Variants in SULT2A1 observed in about 807,000 individuals in gnomAD.
SULT2A1 encodes the protein sulfotransferase family 2A member 1, also known as sulfotransferase 2A1.
Under a neutral mutation model 33.9 loss-of-function variants are expected in SULT2A1, and 43 were observed. That is an observed-to-expected ratio of 1.27 (90% CI 1.00 to 1.64). The LOEUF is 1.64. Ranked by LOEUF, SULT2A1 falls within the 40% of genes most tolerant of loss-of-function variation. SULT2A1 has a pLI of 0.00. For missense variants in SULT2A1, 300 were observed against 335.1 expected, an observed-to-expected ratio of 0.90 and a Z score of 0.82; for synonymous variants, 125 against 113.6, an observed-to-expected ratio of 1.10 and a Z score of -0.64.
intron 2 of SULT2A1, 152 bp downstream of exon 2, chr19:47,883,425 C>T (rs1237708233): frequency 1.3e-6 from 1 of 753,078 alleles, no homozygotes; most frequent in Non-Finnish European, 2.2e-6. Context: ...CTGGGAGCAG[C>T]CACATAGGTG....
At chr19:47,872,306 A>AT (rs1968500549) in intron 5 of SULT2A1, among the ~76,000 whole-genome samples, 1 of 151,952 alleles carries the variant, frequency 6.6e-6, no homozygotes, top group African/African-American at 2.4e-5. Flanking sequence ...CTCTGCTCAG[A>AT]TTTTCCGAGG....
chr19:47,882,120 A>G lies in SULT2A1; in HGVS notation c.436T>C (p.Trp146Arg), dbSNP rs1462170807. 2 of 1,613,858 alleles carry G rather than the reference A, an allele frequency of 1.2e-6. No homozygotes were observed. Among genetic ancestry groups the G allele is most frequent in the African/African-American group, 1.3e-5 (1 of 74,912 alleles). The change falls in exon 3 of 6, where the codon TGG becomes CGG. Residue 146 changes from tryptophan to arginine, a missense_variant. Transcript: ENST00000222002. ...CAAAACCATTCAAAATATTCTTCCC[A>G]TGACTTTGGTTTCTTAATAAACTTC... ...NMKFIKKPKS[W>R]EEYFEWFCQG...
At position 47,881,755 on chromosome 19, in the gene SULT2A1, C is replaced by T. The variant is rs554690129; in HGVS notation, c.472+329G>A. Among the ~76,000 whole-genome samples the T allele has an allele frequency of 3.2e-4, 48 of 152,098 alleles. No individual in the cohort carries two copies. In the South Asian group the frequency reaches 9.3e-3, roughly 30 times the overall value. On this transcript the variant is annotated intron_variant, in intron 3 of 5. Transcript: ENST00000222002. ...GCATCAGAAAAAAATGGCGGAAGGT[C>T]AGGATTGTGTTGTCCCGGAAGCCAG... is the stretch of plus-strand genomic sequence containing the variant.
At chr19:47,883,276 A>G (rs966519233) in intron 2 of SULT2A1, among the ~76,000 whole-genome samples, 4 of 151,942 alleles carry the variant, frequency 2.6e-5, no homozygotes, top group Admixed American at 2.0e-4. Context: ...TATCTAGTAT[A>G]TAATATGGCT....
At chr19:47,879,481 AACTTCCTCACAAGGC>A (rs1968580761) in intron 3 of SULT2A1, among the ~76,000 whole-genome samples, 1 of 152,096 alleles carries the variant, frequency 6.6e-6, no homozygotes, top group Non-Finnish European at 1.5e-5. Flanking sequence ...GAAGCAAGGC[AACTTCCTCACAAGGC>A]GGCAGGAGGG....
At chr19:47,884,546 A>T (rs1490389318) in intron 1 of SULT2A1, among the ~76,000 whole-genome samples, 1 of 145,818 alleles carries the variant, frequency 6.9e-6, no homozygotes, top group Admixed American at 7.0e-5. Context: ...TGGTGCAATT[A>T]TAGCCCACTG....
At chr19:47,878,631 C>T (rs1422418275) in intron 4 of SULT2A1, among the ~76,000 whole-genome samples, 11 of 151,656 alleles carry the variant, frequency 7.3e-5, no homozygotes, top group African/African-American at 2.4e-5. Context: ...ATTCTCCTGC[C>T]TCAGCCTCCC....
At chr19:47,878,766 C>T (rs1036123024) in intron 4 of SULT2A1, among the ~76,000 whole-genome samples, 1 of 152,014 alleles carries the variant, frequency 6.6e-6, no homozygotes, top group East Asian at 1.9e-4. Context: ...CCACCCACCT[C>T]GGCCTCCCAA....
At chr19:47,876,165 G>A (rs151240134) in intron 4 of SULT2A1, among the ~76,000 whole-genome samples, 34 of 152,188 alleles carry the variant, frequency 2.2e-4, no homozygotes, top group Admixed American at 1.2e-3. Flanking sequence ...ACAGGCGTGC[G>A]CCACCACTCC....
Position 47,886,236 on chromosome 19 carries a change from A to G in SULT2A1, c.22T>C (p.Phe8Leu). MSDDFLW[F>L]EGIAFPTMGF... ...ATAGTAGGGAAAGCTATGCCTTCAA[A>G]CCATAAGAAATCGTCCGACATGATG... The change falls in exon 1 of 6, where the codon TTT becomes CTT. Residue 8 changes from phenylalanine to leucine, a missense_variant. By Grantham distance (22) the Phe-to-Leu change is conservative (BLOSUM62 0). Coordinates refer to ENST00000222002, the MANE Select transcript of SULT2A1 (RefSeq NM_003167.4). 2.5e-6 allele frequency: 4 copies of G among 1,613,998 alleles called. No individual in the cohort carries two copies. Among genetic ancestry groups the G allele is most frequent in the Non-Finnish European group, 3.4e-6 (4 of 1,179,978 alleles).
chr19:47,880,154 G>A (rs1057247493), intron 3 of SULT2A1, among the ~76,000 whole-genome samples: 9 of 139,510 alleles, frequency 6.5e-5, no homozygotes, highest in African/African-American at 2.1e-4. Context: ...GGAGAATGGT[G>A]TGAACCTGGG....
At chr19:47,885,730 C>T (rs1218502985) in intron 1 of SULT2A1, among the ~76,000 whole-genome samples, 1 of 152,192 alleles carries the variant, frequency 6.6e-6, no homozygotes, top group Non-Finnish European at 1.5e-5. Flanking sequence ...GGCCATTGCC[C>T]TGATGATTCT....
chr19:47,872,918 C>T (rs1046206722), intron 5 of SULT2A1, among the ~76,000 whole-genome samples: 5 of 152,090 alleles, frequency 3.3e-5, no homozygotes, highest in African/African-American at 1.2e-4. Flanking sequence ...GGCGCCACCA[C>T]ACATGGCTAA....
Position 47,883,757 on chromosome 19 carries a change from G to T in SULT2A1, c.165C>A (p.Cys55Ter). ...SGTNWLAEILCLMHSKGDAKW... is the reference protein window; with the variant it reads ...SGTNWLAEIL Reference sequence around the variant, plus strand: ...TGGCATCCCCCTTGGAGTGCATCAGGCAGAGAATCTCAGCCAACCAGTTTG... The same window carrying T: ...TGGCATCCCCCTTGGAGTGCATCAGTCAGAGAATCTCAGCCAACCAGTTTG... Residue 55 changes from cysteine (C) to a stop codon, truncating the protein, a stop_gained, in exon 2 of 6, where the codon TGC becomes TGA. Coordinates refer to ENST00000222002, the MANE Select transcript of SULT2A1 (RefSeq NM_003167.4). LOFTEE classifies it high-confidence loss of function. 6.2e-7 allele frequency: 1 copy of T among 1,614,044 alleles called. No homozygotes were observed. Among genetic ancestry groups the T allele is most frequent in the South Asian group, 1.1e-5 (1 of 91,080 alleles).
chr19:47,885,918 C>T (rs1415714565), intron 1 of SULT2A1, among the ~76,000 whole-genome samples: 2 of 152,190 alleles, frequency 1.3e-5, no homozygotes, highest in Non-Finnish European at 2.9e-5. Flanking sequence ...TCTCCTAATA[C>T]CTTAGATTAC....
At chr19:47,881,238 G>T (rs1936624463) in intron 3 of SULT2A1, among the ~76,000 whole-genome samples, 1 of 151,996 alleles carries the variant, frequency 6.6e-6, no homozygotes, top group African/African-American at 2.4e-5. Flanking sequence ...GTTTCATTAT[G>T]TTGGCCAGGC....
chr19:47,871,632 C>G, intron 5 of SULT2A1, 65 bp from the exon 6 acceptor site: 1 of 1,073,416 alleles, frequency 9.3e-7, no homozygotes, highest in Non-Finnish European at 1.5e-6. Flanking sequence ...CCACCAGGCA[C>G]CTGACATGGA....
At chr19:47,879,887 C>A (rs1968585410) in intron 3 of SULT2A1, among the ~76,000 whole-genome samples, 1 of 151,708 alleles carries the variant, frequency 6.6e-6, no homozygotes, top group African/African-American at 2.4e-5. Flanking sequence ...TGTAACAAAC[C>A]TGTACGTTGT....
chr19:47,878,717 A>G (rs1968572557), intron 4 of SULT2A1, among the ~76,000 whole-genome samples: 1 of 150,634 alleles, frequency 6.6e-6, no homozygotes, highest in South Asian at 2.1e-4. Context: ...GGGTTTTATC[A>G]TCTTGTCCAG....
Sources: gnomAD v4.1 joint callset for allele counts (sites outside exome capture counted in the v4.1 genomes callset) on GRCh38, gnomAD v4.1.1 for gene constraint, MANE v1.5 for transcripts, NCBI Gene and HGNC (gene_info 2026-07-23, HGNC 2026-07-21) for gene names.